The following UNC79 variants were observed in gnomAD, a reference collection of about 807,000 sequenced individuals.
UNC79 encodes the protein unc-79 subunit of NALCN channel complex.
A neutral mutation model predicts 283.1 loss-of-function variants in UNC79; 37 were observed. The observed-to-expected ratio is 0.13, with a 90% CI of 0.10 to 0.17. The LOEUF is 0.17. Ranked by LOEUF, UNC79 falls within the 10% of genes least tolerant of loss-of-function variation. The pLI is 1.00. For missense variants in UNC79, 2,272 were observed against 3,211.1 expected, an observed-to-expected ratio of 0.71 and a Z score of 7.07; for synonymous variants, 1,107 against 1,200.2, an observed-to-expected ratio of 0.92 and a Z score of 1.61.
At chr14:93,505,027 AT>A (rs1429470354) in intron 7 of UNC79, among the ~76,000 whole-genome samples, 2 of 152,098 alleles carry the variant, frequency 1.3e-5, no homozygotes, top group South Asian at 4.1e-4. Context: ...TTCCATTGCC[AT>A]TTTTAACACT....
intron 4 of UNC79, among the ~76,000 whole-genome samples, chr14:93,480,326 G>T (rs1426620238): frequency 6.6e-6 from 1 of 152,022 alleles, no homozygotes; most frequent in Non-Finnish European, 1.5e-5. Context: ...CTATAAAGAA[G>T]GGGTTTGAAA....
intron 14 of UNC79, among the ~76,000 whole-genome samples, chr14:93,568,416 G>A (rs1288462262): frequency 1.3e-5 from 2 of 152,152 alleles, no homozygotes; most frequent in East Asian, 1.9e-4. Flanking sequence ...GCTCACACCT[G>A]TAATCCCAGC....
intron 7 of UNC79, among the ~76,000 whole-genome samples, chr14:93,505,054 C>A (rs1423849064): frequency 6.6e-6 from 1 of 151,984 alleles, no homozygotes; most frequent in Non-Finnish European, 1.5e-5. Context: ...TAGGGTTGAA[C>A]ATATGGTCAT....
intron 1 of UNC79, among the ~76,000 whole-genome samples, chr14:93,363,089 C>T (rs574617907): frequency 6.2e-4 from 95 of 152,054 alleles, no homozygotes; most frequent in Non-Finnish European, 1.0e-3. Flanking sequence ...AACTTTTTGA[C>T]GTGGGTATTT....
Position 93,675,055 on chromosome 14 carries a change from T to G in UNC79, c.6741+1600T>G, listed in dbSNP as rs570888875. On this transcript the variant is annotated intron_variant, in intron 41 of 48. Transcript: ENST00000555664. ...TAGAGGAATTTTGCTGAAACTCCGC[T>G]TTTCTGATAGAGATCACTCTTGCAT... 6.6e-5 allele frequency among the ~76,000 whole-genome samples: 10 copies of G among 152,352 alleles called. No individual in the cohort carries two copies. In the South Asian group the frequency reaches 2.1e-3, roughly 32 times the overall value.
At chr14:93,404,736 A>T (rs1432800534) in intron 1 of UNC79, among the ~76,000 whole-genome samples, 1 of 151,328 alleles carries the variant, frequency 6.6e-6, no homozygotes. Flanking sequence ...ACATAAAAAG[A>T]TTCAACTCCT....
chr14:93,473,376 T>C (rs946060276), intron 2 of UNC79, among the ~76,000 whole-genome samples: 14 of 152,302 alleles, frequency 9.2e-5, no homozygotes, highest in Admixed American at 9.2e-4. Flanking sequence ...CACAAACATA[T>C]GCTATGGACC....
chr14:93,375,504 A>G (rs920901579), intron 1 of UNC79, among the ~76,000 whole-genome samples: 1 of 152,218 alleles, frequency 6.6e-6, no homozygotes, highest in Admixed American at 6.5e-5. Context: ...CCATTCTCAC[A>G]TTGCTGTAAA....
chr14:93,590,166 T>G (rs1211534086), intron 22 of UNC79, among the ~76,000 whole-genome samples: 1 of 152,138 alleles, frequency 6.6e-6, no homozygotes, highest in African/African-American at 2.4e-5. Context: ...CTCTATCCAG[T>G]AGGAACTCAT....
intron 4 of UNC79, among the ~76,000 whole-genome samples, chr14:93,484,582 T>G (rs1431363741): frequency 6.6e-6 from 1 of 152,196 alleles, no homozygotes; most frequent in Non-Finnish European, 1.5e-5. Context: ...GGAATAGGAC[T>G]GAGAACTTTT....
intron 1 of UNC79, among the ~76,000 whole-genome samples, chr14:93,406,501 T>A (rs762493328): frequency 2.0e-5 from 3 of 152,066 alleles, no homozygotes; most frequent in Non-Finnish European, 4.4e-5. Flanking sequence ...GGTGCGAGGA[T>A]CACTTGAGCC....
At chr14:93,390,629 C>T (rs1353196461) in intron 1 of UNC79, among the ~76,000 whole-genome samples, 1 of 152,056 alleles carries the variant, frequency 6.6e-6, no homozygotes, top group Non-Finnish European at 1.5e-5. Context: ...GATACAAGGT[C>T]ACTAAACAAA....
chr14:93,399,320 C>T (rs965951930), intron 1 of UNC79, among the ~76,000 whole-genome samples: 2 of 152,038 alleles, frequency 1.3e-5, no homozygotes, highest in African/African-American at 4.8e-5. Context: ...TCATTTTGGT[C>T]ACATCAAATT....
intron 1 of UNC79, among the ~76,000 whole-genome samples, chr14:93,461,931 A>G (rs1482182833): frequency 6.6e-6 from 1 of 150,476 alleles, no homozygotes; most frequent in Non-Finnish European, 1.5e-5. Flanking sequence ...CACTCTATGA[A>G]GAGGGACAAG....
At chr14:93,603,307 C>T (rs777465049) in exon 26 of UNC79, 16 of 1,614,050 alleles carry the variant, frequency 9.9e-6, no homozygotes, top group African/African-American at 1.3e-5. Flanking sequence ...CAAGAGAGCT[C>T]GCTTTGCAAG....
intron 5 of UNC79, among the ~76,000 whole-genome samples, chr14:93,488,667 G>A (rs1285701111): frequency 6.6e-6 from 1 of 152,148 alleles, no homozygotes; most frequent in Non-Finnish European, 1.5e-5. Context: ...TGGCTGATAA[G>A]CAGTAAACAT....
chr14:93,700,422 G>A (rs946110282), intron 47 of UNC79, among the ~76,000 whole-genome samples: 1 of 152,030 alleles, frequency 6.6e-6, no homozygotes, highest in African/African-American at 2.4e-5. Context: ...ATTGAATATA[G>A]GTATCATAAC....
chr14:93,497,413 AT>A, intron 7 of UNC79, 127 bp downstream of exon 7: 1 of 1,268,098 alleles, frequency 7.9e-7, no homozygotes, highest in Non-Finnish European at 1.0e-6. Flanking sequence ...ATGGTCATAA[AT>A]CCTTTCTGAA....
downstream of UNC79, chr14:93,707,162 A>G: frequency 2.6e-6 from 1 of 389,624 alleles, no homozygotes; most frequent in Non-Finnish European, 4.5e-6. Context: ...TCTTTAACTA[A>G]CTTCTATTTT....
Sources: gnomAD v4.1 joint callset for allele counts (sites outside exome capture counted in the v4.1 genomes callset) on GRCh38, gnomAD v4.1.1 for gene constraint, MANE v1.5 for transcripts, NCBI Gene and HGNC (gene_info 2026-07-23, HGNC 2026-07-21) for gene names.